Variants in ACOT7 observed in about 807,000 individuals in gnomAD.
ACOT7 encodes the protein cytosolic acyl coenzyme A thioester hydrolase.
In ACOT7, 12 loss-of-function variants were observed where a neutral mutation model predicts 40.2. The observed-to-expected ratio is 0.30, with a 90% confidence interval of 0.19 to 0.48. The LOEUF is 0.48. Ranked by LOEUF, ACOT7 falls within the 20% of genes least tolerant of loss-of-function variation. The probability of loss-of-function intolerance (pLI) is 0.99; values close to 1 mark genes in which losing one functional copy is unlikely to be tolerated. For synonymous variants in ACOT7, 228 were observed against 219.5 expected (o/e 1.04, Z -0.34); for missense variants, 395 against 530.8 (o/e 0.74, Z 2.51).
chr1:6,278,273 G>T lies in ACOT7; in HGVS notation c.1014+2829C>A, dbSNP rs1023445414. Among the ~76,000 whole-genome samples the T allele has an allele frequency of 6.6e-6, 1 of 152,180 alleles. No homozygotes were observed. Among genetic ancestry groups the T allele is most frequent in the African/African-American group, 2.4e-5 (1 of 41,436 alleles). ...TGAGCTTGCTGCACCCACACCCAGG[G>T]CATGGAGGAGCCACCGTGCATTTCG... On this transcript the variant is annotated intron_variant, in intron 8 of 8. Coordinates refer to ENST00000361521, the MANE Select transcript of ACOT7 (RefSeq NM_007274.4). This position sits in a 1 kb window ranked among gnomAD's most constrained non-coding sequence, Gnocchi z 4.1.
intron 7 of ACOT7, among the ~76,000 whole-genome samples, chr1:6,284,739 C>T (rs891856849): frequency 2.0e-5 from 3 of 152,136 alleles, no homozygotes; most frequent in African/African-American, 7.2e-5. Context: ...GGAGGTCCAT[C>T]CAGGTGGGGT....
intron 8 of ACOT7, among the ~76,000 whole-genome samples, chr1:6,279,955 G>A (rs1639306100): frequency 6.6e-6 from 1 of 152,232 alleles, no homozygotes; most frequent in Non-Finnish European, 1.5e-5. Context: ...TGAGAGGAAT[G>A]GGTTTTCAGT....
At chr1:6,364,675 T>G (rs539710676) in intron 1 of ACOT7, among the ~76,000 whole-genome samples, 18 of 149,704 alleles carry the variant, frequency 1.2e-4, no homozygotes, top group African/African-American at 3.9e-4. Flanking sequence ...TGGTGAAACC[T>G]CATCCCTACT....
At chr1:6,320,311 A>G (rs1214513530) in intron 5 of ACOT7, among the ~76,000 whole-genome samples, 1 of 152,202 alleles carries the variant, frequency 6.6e-6, no homozygotes, top group East Asian at 1.9e-4. Context: ...GGCTCCTCAC[A>G]TCATTTTGAA....
chr1:6,328,843 G>A (rs1640877845), intron 4 of ACOT7, among the ~76,000 whole-genome samples: 1 of 151,340 alleles, frequency 6.6e-6, no homozygotes, highest in Non-Finnish European at 1.5e-5. Context: ...ACACTCGGAT[G>A]GGACCCTCGG....
rs72854322 is a variant in ACOT7, at chr1:6,289,973, G to A, written c.829+4891C>T. Among the ~76,000 whole-genome samples the A allele has an allele frequency of 0.029, 4,488 of 152,288 alleles. 172 individuals are homozygous for A. The highest frequency in any genetic ancestry group is 0.086 in the African/African-American group (3,563 of 41,530). On this transcript the variant is annotated intron_variant, in intron 7 of 8. Transcript: ENST00000361521. The surrounding 1 kb of genome is among the most constrained non-coding windows in gnomAD (Gnocchi z 4.6). Reference sequence around the variant, plus strand: ...GACCTCACGTGGCAAAGGGGACTCTGCAGACATTGACTAAGTGACAGCCCT... The same window carrying A: ...GACCTCACGTGGCAAAGGGGACTCTACAGACATTGACTAAGTGACAGCCCT...
intron 5 of ACOT7, among the ~76,000 whole-genome samples, chr1:6,325,255 G>A (rs1206573842): frequency 6.6e-6 from 1 of 152,082 alleles, no homozygotes; most frequent in African/African-American, 2.4e-5. Context: ...AAAATAAGTG[G>A]GGCATGGTGG....
chr1:6,285,871 G>A (rs544567682), intron 7 of ACOT7, among the ~76,000 whole-genome samples: 5 of 152,214 alleles, frequency 3.3e-5, no homozygotes, highest in African/African-American at 9.6e-5. Flanking sequence ...AGGAAGGGGG[G>A]TCCGCACCTG....
rs570837804 is a variant in ACOT7, at chr1:6,367,917, A to G, written c.144-18051T>C. 5.3e-5 allele frequency among the ~76,000 whole-genome samples: 8 copies of G among 152,318 alleles called. No homozygotes were observed. The South Asian group carries it at 1.7e-3, about 32-fold the overall frequency. On this transcript the variant is annotated intron_variant, in intron 1 of 8. Coordinates refer to ENST00000361521, the MANE Select transcript of ACOT7 (RefSeq NM_007274.4). ...AGTGAGCAAGACAAAGAGGAGCTTT[A>G]TTGAGTCACAGCCAGGTCATCCCAG...
intron 8 of ACOT7, among the ~76,000 whole-genome samples, chr1:6,276,004 G>A (rs1184666940): frequency 6.6e-6 from 1 of 152,146 alleles, no homozygotes; most frequent in African/African-American, 2.4e-5. Flanking sequence ...GAAGCAGTGG[G>A]GTCACGGCGC....
At chr1:6,386,449 G>A (rs1280437126) in intron 1 of ACOT7, among the ~76,000 whole-genome samples, 1 of 152,124 alleles carries the variant, frequency 6.6e-6, no homozygotes, top group African/African-American at 2.4e-5. Flanking sequence ...GGCACCTCTG[G>A]TCTCTGCTCC....
At chr1:6,370,540 A>G (rs1642111241) in intron 1 of ACOT7, among the ~76,000 whole-genome samples, 1 of 150,504 alleles carries the variant, frequency 6.6e-6, no homozygotes, top group African/African-American at 2.4e-5. Flanking sequence ...CCTGGCCTGG[A>G]GTGCAGTGGT....
chr1:6,308,821 G>A (rs147513439), intron 6 of ACOT7, among the ~76,000 whole-genome samples: 6 of 137,662 alleles, frequency 4.4e-5, no homozygotes, highest in African/African-American at 1.7e-4. Flanking sequence ...AGGGAAAAGC[G>A]ACTGGGCGGA....
chr1:6,377,856 G>A (rs923135810), intron 1 of ACOT7, among the ~76,000 whole-genome samples: 8 of 152,124 alleles, frequency 5.3e-5, no homozygotes, highest in African/African-American at 1.9e-4. Flanking sequence ...GGATCACAAG[G>A]TCAGGAGATC....
chr1:6,353,835 C>T (rs551514660), intron 1 of ACOT7, among the ~76,000 whole-genome samples: 3 of 152,144 alleles, frequency 2.0e-5, no homozygotes, highest in Non-Finnish European at 4.4e-5. Flanking sequence ...CTTCTTCCCC[C>T]TCCTCTGACC....
intron 8 of ACOT7, among the ~76,000 whole-genome samples, chr1:6,270,383 G>A (rs1252200097): frequency 1.3e-5 from 2 of 152,238 alleles, no homozygotes; most frequent in Non-Finnish European, 2.9e-5. Context: ...GCTGGTGGGG[G>A]AAGGACTGGA....
chr1:6,356,851 G>A (rs554963184), intron 1 of ACOT7, among the ~76,000 whole-genome samples: 5 of 151,846 alleles, frequency 3.3e-5, no homozygotes, highest in South Asian at 4.2e-4. Flanking sequence ...CCCAGGAGGC[G>A]GAGGTTGCAG....
chr1:6,364,441 T>G (rs1367710583), intron 1 of ACOT7, among the ~76,000 whole-genome samples: 1 of 151,066 alleles, frequency 6.6e-6, no homozygotes, highest in Non-Finnish European at 1.5e-5. Flanking sequence ...CTCGGGAGGC[T>G]GAGGCAGGAG....
chr1:6,340,351 T>TC (rs1482368806), intron 2 of ACOT7, among the ~76,000 whole-genome samples: 13 of 152,232 alleles, frequency 8.5e-5, no homozygotes, highest in African/African-American at 2.9e-4. Context: ...TGCAGGCGAT[T>TC]CCCCAAGTGA....
Sources: gnomAD v4.1 joint callset for allele counts (sites outside exome capture counted in the v4.1 genomes callset) on GRCh38, gnomAD v4.1.1 for gene constraint, Gnocchi (gnomAD v3.1) non-coding constraint, MANE v1.5 for transcripts, NCBI Gene and HGNC (gene_info 2026-07-23, HGNC 2026-07-21) for gene names.